The following VSTM2B variants were observed in gnomAD, a reference collection of about 807,000 sequenced individuals.
VSTM2B encodes V-set and transmembrane domain-containing protein 2B.
A neutral mutation model predicts 24.0 loss-of-function variants in VSTM2B; 24 were observed. That is an observed-to-expected ratio of 1.00 (90% CI 0.72 to 1.40). VSTM2B has a LOEUF of 1.40. VSTM2B is among the 40% of genes most tolerant of loss of function. The pLI is 0.00. For synonymous variants in VSTM2B, 226 were observed against 194.4 expected (o/e 1.16, Z -1.35); for missense variants, 399 against 416.4 (o/e 0.96, Z 0.36).
chr19:29,533,747 G>T (rs566574273), intron 4 of VSTM2B, among the ~76,000 whole-genome samples: 1 of 152,354 alleles, frequency 6.6e-6, no homozygotes, highest in African/African-American at 2.4e-5. Flanking sequence ...CTGTGTTTTG[G>T]AGGATGGGCA....
intron 4 of VSTM2B, among the ~76,000 whole-genome samples, chr19:29,534,126 G>T (rs1462891608): frequency 1.3e-5 from 2 of 152,228 alleles, no homozygotes; most frequent in African/African-American, 4.8e-5. Context: ...AGCCAACAAA[G>T]GATTGATGCA....
intron 4 of VSTM2B, among the ~76,000 whole-genome samples, chr19:29,550,022 T>A (rs961363533): frequency 1.3e-5 from 2 of 152,252 alleles, no homozygotes; most frequent in African/African-American, 4.8e-5. Context: ...GTTTCATTCT[T>A]AGATGACAGC....
intron 4 of VSTM2B, among the ~76,000 whole-genome samples, chr19:29,538,253 G>A (rs555050265): frequency 7.2e-5 from 11 of 152,224 alleles, no homozygotes; most frequent in Middle Eastern, 3.4e-3. Context: ...CTCTCTGTAC[G>A]AGTTCCGTCA....
chr19:29,527,050 G>T, intron 1 of VSTM2B, 161 bp from the exon 2 acceptor site: 1 of 635,292 alleles, frequency 1.6e-6, no homozygotes, highest in African/African-American at 1.9e-5. Flanking sequence ...CCCTGCAGCC[G>T]CTTCCCCGAA....
intron 4 of VSTM2B, among the ~76,000 whole-genome samples, chr19:29,548,799 G>A (rs1436140702): frequency 5.3e-5 from 8 of 152,210 alleles, no homozygotes; most frequent in Non-Finnish European, 7.3e-5. Flanking sequence ...ACTGCATGGG[G>A]ACAAAGATAG....
chr19:29,546,231 G>T (rs1006556345), intron 4 of VSTM2B, among the ~76,000 whole-genome samples: 5 of 152,184 alleles, frequency 3.3e-5, no homozygotes, highest in Non-Finnish European at 7.4e-5. Flanking sequence ...GAGCCTGGGT[G>T]CATGCAGCCC....
At chr19:29,527,080 C>G in intron 1 of VSTM2B, 131 bp from the exon 2 acceptor site, 1 of 819,766 alleles carries the variant, frequency 1.2e-6, no homozygotes, top group Non-Finnish European at 1.9e-6. Context: ...CCCCTCCGGC[C>G]GTGCGCCAGG....
chr19:29,548,970 A>C (rs1970210551), intron 4 of VSTM2B, among the ~76,000 whole-genome samples: 1 of 152,190 alleles, frequency 6.6e-6, no homozygotes, highest in African/African-American at 2.4e-5. Flanking sequence ...GGTGGCTAGC[A>C]GGGAGGGATG....
intron 3 of VSTM2B, among the ~76,000 whole-genome samples, chr19:29,529,446 A>C (rs781678121): frequency 6.6e-6 from 1 of 152,114 alleles, no homozygotes; most frequent in Non-Finnish European, 1.5e-5. Context: ...GGAACAAGGA[A>C]TCCAGCCTGG....
intron 4 of VSTM2B, among the ~76,000 whole-genome samples, chr19:29,562,091 G>A (rs898378874): frequency 1.8e-4 from 28 of 152,146 alleles, no homozygotes; most frequent in Admixed American, 1.7e-3. Flanking sequence ...CCTGCCCCTC[G>A]GATAGCACCA....
intron 4 of VSTM2B, among the ~76,000 whole-genome samples, chr19:29,539,528 T>G (rs1410580822): frequency 6.6e-6 from 1 of 151,904 alleles, no homozygotes; most frequent in Non-Finnish European, 1.5e-5. Context: ...TTTACAGAGA[T>G]AGAGTGAGAG....
chr19:29,528,538 A>T, intron 3 of VSTM2B, 76 bp downstream of exon 3: 3 of 1,531,732 alleles, frequency 2.0e-6, no homozygotes, highest in Non-Finnish European at 2.7e-6. Context: ...CTCCCTTAGC[A>T]AGCCGCGGCG....
At position 29,533,046 on chromosome 19, in the gene VSTM2B, G is replaced by A. The variant is rs561305165; in HGVS notation, c.769+2756G>A. Among the ~76,000 whole-genome samples the A allele has an allele frequency of 1.1e-3, 169 of 152,306 alleles. 1 individual carries two copies. Among genetic ancestry groups the A allele is most frequent in the African/African-American group, 3.7e-3 (154 of 41,556 alleles). On this transcript the variant is annotated intron_variant, in intron 4 of 4. Transcript: ENST00000335523. ...CATAGCCAGTCTGATCTCCAGTCTC[G>A]GTGCTGGCCATGGAGGCTGAATGAG... is the stretch of plus-strand genomic sequence containing the variant.
intron 4 of VSTM2B, among the ~76,000 whole-genome samples, chr19:29,546,567 A>G (rs1327696521): frequency 6.6e-6 from 1 of 152,224 alleles, no homozygotes; most frequent in Non-Finnish European, 1.5e-5. Flanking sequence ...GCCTTTTTAC[A>G]GCCCACAGGC....
chr19:29,530,881 T>TTA (rs1969740625), intron 4 of VSTM2B, among the ~76,000 whole-genome samples: 2 of 151,924 alleles, frequency 1.3e-5, no homozygotes, highest in Admixed American at 1.3e-4. Context: ...GCAGATCCTC[T>TTA]CCCTTTGGCT....
intron 4 of VSTM2B, among the ~76,000 whole-genome samples, chr19:29,555,996 C>T (rs1454061519): frequency 6.6e-6 from 1 of 152,092 alleles, no homozygotes; most frequent in African/African-American, 2.4e-5. Flanking sequence ...GGAGCTGTTA[C>T]CATTTCTTCT....
At chr19:29,534,069 G>A (rs372573179) in intron 4 of VSTM2B, among the ~76,000 whole-genome samples, 2 of 152,234 alleles carry the variant, frequency 1.3e-5, no homozygotes, top group East Asian at 3.8e-4. Flanking sequence ...GGGTCACTGG[G>A]GGGGATGGAA....
chr19:29,548,253 A>G (rs1333420732), intron 4 of VSTM2B, among the ~76,000 whole-genome samples: 2 of 152,114 alleles, frequency 1.3e-5, no homozygotes, highest in Non-Finnish European at 1.5e-5. Flanking sequence ...CACCCCCAGG[A>G]GGACAGCTTG....
In VSTM2B at chr19:29,529,784, T is replaced by G. The variant is rs1969684808; in HGVS notation, c.298-35T>G. On this transcript the variant is annotated intron_variant, in intron 3 of 4. Transcript: ENST00000335523. ...TGGCCAGAAGAGTAGGTTTGGGAGCTGCCCAGCCCGGCCTCTAACCCTGCT... is the reference window on the plus strand; with the variant it reads ...TGGCCAGAAGAGTAGGTTTGGGAGCGGCCCAGCCCGGCCTCTAACCCTGCT... 10 of 1,540,520 alleles carry G rather than the reference T, an allele frequency of 6.5e-6. No individual in the cohort carries two copies. The South Asian group carries it at 1.1e-4, about 17-fold the overall frequency.
Sources: allele counts gnomAD v4.1 joint callset (sites outside exome capture counted in the v4.1 genomes callset), GRCh38; gene constraint gnomAD v4.1.1; transcripts MANE v1.5; gene names NCBI Gene and HGNC (gene_info 2026-07-23, HGNC 2026-07-21).